The following PLPP4 variants were observed in gnomAD, a reference collection of about 807,000 sequenced individuals.
PLPP4 encodes the protein phospholipid phosphatase 4.
In PLPP4, 20 loss-of-function variants were observed where a neutral mutation model predicts 32.2. The ratio of observed to expected loss-of-function variants is 0.62; its 90% CI spans 0.44 to 0.90. PLPP4 has a LOEUF of 0.90. Ranked by LOEUF, PLPP4 falls within the 40% of genes least tolerant of loss-of-function variation. The probability of loss-of-function intolerance (pLI) is 0.00; values close to 1 mark genes in which losing one functional copy is unlikely to be tolerated. For synonymous variants in PLPP4, 127 were observed against 133.0 expected (o/e 0.95, Z 0.31); for missense variants, 257 against 353.1 (o/e 0.73, Z 2.18).
chr10:120,560,455 A>T lies in PLPP4; in HGVS notation c.446-14676A>T, dbSNP rs140723538. On this transcript the variant is annotated intron_variant, in intron 5 of 6. Coordinates refer to ENST00000398250, the MANE Select transcript of PLPP4 (RefSeq NM_001030059.3). ...AGTGCAAAATAAGTTGTGGTTTTTG[A>T]CATTAAAAATAATGGCAGACTGGGC... Among the ~76,000 whole-genome samples, 317 of 152,270 alleles carry T rather than the reference A, an allele frequency of 2.1e-3. 2 individuals carry two copies. Among genetic ancestry groups the T allele is most frequent in the Non-Finnish European group, 3.9e-3 (265 of 68,026 alleles).
intron 1 of PLPP4, among the ~76,000 whole-genome samples, chr10:120,495,216 A>T (rs1269670191): frequency 6.6e-6 from 1 of 152,074 alleles, no homozygotes; most frequent in East Asian, 1.9e-4. Flanking sequence ...GCAGCAAGTG[A>T]AGGGCTTGGC....
chr10:120,545,413 T>C (rs1453053878), intron 5 of PLPP4, among the ~76,000 whole-genome samples: 1 of 152,218 alleles, frequency 6.6e-6, no homozygotes, highest in Non-Finnish European at 1.5e-5. Flanking sequence ...CCTTTACTCA[T>C]GGACATTCTT....
chr10:120,486,502 C>CTTAATACTAGCTTA (rs1844464321), intron 1 of PLPP4, among the ~76,000 whole-genome samples: 1 of 152,156 alleles, frequency 6.6e-6, no homozygotes, highest in African/African-American at 2.4e-5. Context: ...AATACTAGTA[C>CTTAATACTAGCTTA]ATCATTCATA....
intron 6 of PLPP4, among the ~76,000 whole-genome samples, chr10:120,576,922 C>A (rs1183400552): frequency 1.3e-5 from 2 of 152,186 alleles, no homozygotes; most frequent in Non-Finnish European, 2.9e-5. Flanking sequence ...TAGGGCATTT[C>A]CCCATGAAGA....
At chr10:120,490,668 G>A (rs1844679409) in intron 1 of PLPP4, among the ~76,000 whole-genome samples, 1 of 152,208 alleles carries the variant, frequency 6.6e-6, no homozygotes, top group Admixed American at 6.5e-5. Flanking sequence ...CTCCATGGGG[G>A]AACAGTAGGT....
intron 5 of PLPP4, among the ~76,000 whole-genome samples, chr10:120,560,996 A>T (rs1021364615): frequency 6.6e-6 from 1 of 152,168 alleles, no homozygotes; most frequent in African/African-American, 2.4e-5. Flanking sequence ...CTGTATATGT[A>T]ATCAAAACAA....
intron 5 of PLPP4, among the ~76,000 whole-genome samples, chr10:120,538,998 T>C (rs1383153776): frequency 6.6e-6 from 1 of 152,202 alleles, no homozygotes; most frequent in Non-Finnish European, 1.5e-5. Flanking sequence ...CCACAGGAGA[T>C]ATTGCTTCTC....
intron 1 of PLPP4, among the ~76,000 whole-genome samples, chr10:120,499,306 A>G (rs1845125636): frequency 6.6e-6 from 1 of 151,632 alleles, no homozygotes; most frequent in South Asian, 2.1e-4. Context: ...TTTCTCCCCC[A>G]TGACACAAGT....
intron 1 of PLPP4, among the ~76,000 whole-genome samples, chr10:120,500,953 T>A (rs2248723): frequency 0.18 from 27,537 of 152,056 alleles, 3,459 homozygotes; most frequent in African/African-American, 0.35. Flanking sequence ...ACTAGTCATC[T>A]CCAGTATCAC....
intron 1 of PLPP4, among the ~76,000 whole-genome samples, chr10:120,502,930 A>G (rs551559857): frequency 1.2e-4 from 19 of 152,266 alleles, no homozygotes; most frequent in African/African-American, 2.2e-4. Context: ...TCCTTTTCCC[A>G]GAAGCCCAAA....
rs757605072 is a variant in PLPP4 at position 120,514,032 on chromosome 10, A to G, written c.256+31A>G. On this transcript the variant is annotated intron_variant, in intron 3 of 6. Transcript: ENST00000398250. Reference sequence around the variant, plus strand: ...GTATTCACAGTTCCTGCTTTAGGGAATGGGGCTGACCTTAATTAGATGATC... The same window carrying G: ...GTATTCACAGTTCCTGCTTTAGGGAGTGGGGCTGACCTTAATTAGATGATC... 5 of 1,475,956 alleles carry G rather than the reference A, an allele frequency of 3.4e-6. No individual in the cohort carries two copies. In the East Asian group the frequency reaches 9.0e-5, roughly 27 times the overall value. 91.4% of individuals were successfully genotyped at this position (1,475,956 alleles called of 1,614,324 possible).
At chr10:120,479,062 T>G (rs1359702576) in intron 1 of PLPP4, among the ~76,000 whole-genome samples, 1 of 152,062 alleles carries the variant, frequency 6.6e-6, no homozygotes, top group Admixed American at 6.6e-5. Context: ...CCATCTCTAC[T>G]AAAAATACAA....
chr10:120,546,066 G>A (rs1203243943), intron 5 of PLPP4, among the ~76,000 whole-genome samples: 2 of 152,022 alleles, frequency 1.3e-5, no homozygotes, highest in Admixed American at 6.5e-5. Context: ...AGGGGCTCTC[G>A]GGCCTACAGC....
At chr10:120,477,832 C>T (rs904841824) in intron 1 of PLPP4, among the ~76,000 whole-genome samples, 1 of 152,212 alleles carries the variant, frequency 6.6e-6, no homozygotes, top group African/African-American at 2.4e-5. Flanking sequence ...TCAGATCACA[C>T]TTCTGCCTAC....
intron 1 of PLPP4, among the ~76,000 whole-genome samples, chr10:120,459,735 AG>A (rs1333053433): frequency 6.6e-6 from 1 of 152,054 alleles, no homozygotes; most frequent in African/African-American, 2.4e-5. Context: ...CTGCGGGGAG[AG>A]GGGGTATCTT....
At chr10:120,491,782 A>G (rs762112523) in intron 1 of PLPP4, among the ~76,000 whole-genome samples, 3 of 152,148 alleles carry the variant, frequency 2.0e-5, no homozygotes, top group Non-Finnish European at 4.4e-5. Context: ...TCATGTCTGT[A>G]TATACTTTGA....
intron 5 of PLPP4, among the ~76,000 whole-genome samples, chr10:120,570,663 T>C (rs1251145336): frequency 6.6e-6 from 1 of 152,166 alleles, no homozygotes; most frequent in Non-Finnish European, 1.5e-5. Context: ...ACTATAACAT[T>C]GCACCTAAGC....
intron 3 of PLPP4, 120 bp from the exon 4 acceptor site, chr10:120,518,713 A>C: frequency 2.6e-6 from 2 of 761,830 alleles, no homozygotes; most frequent in Non-Finnish European, 4.1e-6. Context: ...GTATTCGTTC[A>C]TATTTCTCTG....
intron 4 of PLPP4, among the ~76,000 whole-genome samples, chr10:120,520,331 G>C (rs183911892): frequency 5.0e-4 from 76 of 152,330 alleles, no homozygotes; most frequent in African/African-American, 1.7e-3. Context: ...TTCAGGAAGG[G>C]CAAGTGGCCA....
Sources: allele counts gnomAD v4.1 joint callset (sites outside exome capture counted in the v4.1 genomes callset), GRCh38; gene constraint gnomAD v4.1.1; transcripts MANE v1.5; gene names NCBI Gene and HGNC (gene_info 2026-07-23, HGNC 2026-07-21).